CHI3L1: variants seen among roughly 807,000 people sequenced by gnomAD.
CHI3L1 encodes chitinase-3-like protein 1.
In CHI3L1, 30 loss-of-function variants were observed where a neutral mutation model predicts 40.7. The observed-to-expected ratio is 0.74, with a 90% CI of 0.55 to 1.00. The LOEUF (loss-of-function observed/expected upper bound fraction) is 1.00. CHI3L1 is among the 50% of genes least tolerant of loss of function. CHI3L1 has a pLI of 0.00. For missense variants in CHI3L1, 493 were observed against 492.2 expected (o/e 1.00, Z -0.01); for synonymous variants, 210 against 192.1 (o/e 1.09, Z -0.77).
At chr1:203,186,374 G>C in intron 1 of CHI3L1, 29 bp from the exon 2 acceptor site, 1 of 1,582,410 alleles carries the variant, frequency 6.3e-7, no homozygotes, top group Non-Finnish European at 8.6e-7. Flanking sequence ...TGAGACCCCT[G>C]CAAGTGCATC....
chr1:203,183,826 A>C lies in CHI3L1; in HGVS notation c.315-35T>G, dbSNP rs1001444842. 7 of 1,612,796 alleles carry C rather than the reference A, an allele frequency of 4.3e-6. No homozygotes were observed. In the African/African-American group the frequency reaches 8.0e-5, roughly 18 times the overall value. ...AAATCAGCCCTGTAGCATGCTCAGC[A>C]CTGATATGCTAGGTGCCTTGGGCCT... is the stretch of plus-strand genomic sequence containing the variant. On this transcript the variant is annotated intron_variant, in intron 4 of 9. Coordinates refer to ENST00000255409, the MANE Select transcript of CHI3L1 (RefSeq NM_001276.4).
At chr1:203,179,993 T>C (rs1655900446) in intron 8 of CHI3L1, 116 bp from the exon 9 acceptor site, 1 of 924,504 alleles carries the variant, frequency 1.1e-6, no homozygotes, top group South Asian at 1.6e-5. Context: ...GCAGCCTCAC[T>C]CTCTGCAGGG....
In CHI3L1 at chr1:203,186,599, C is replaced by T. The variant is rs774465670; in HGVS notation, c.25G>A (p.Gly9Ser). 4.3e-6 allele frequency: 7 copies of T among 1,614,050 alleles called. No individual in the cohort carries two copies. The highest frequency in any genetic ancestry group is 5.9e-6 in the Non-Finnish European group (7 of 1,180,044). Residue 9 changes from glycine to serine, a missense_variant and splice_region_variant, in exon 1 of 10, where the codon GGC becomes AGC. Gly to Ser is a moderately conservative substitution (Grantham distance 56). Coordinates refer to ENST00000255409, the MANE Select transcript of CHI3L1 (RefSeq NM_001276.4). Reference protein sequence around the residue: MGVKASQTGFVVLVLLQCC... With the variant: MGVKASQTSFVVLVLLQCC... The stretch of plus-strand genomic sequence containing the variant: ...GATTAACCTTGGCTAGCCCAGATAC[C>T]TGTTTGAGACGCCTTCACACCCATT...
intron 6 of CHI3L1, chr1:203,181,631 TG>T: frequency 5.2e-6 from 1 of 191,068 alleles, no homozygotes; most frequent in South Asian, 8.7e-5. Flanking sequence ...GAAAAGCTTT[TG>T]GGCTCCTATT....
chr1:203,186,413 A>G (rs547239773), intron 1 of CHI3L1, 68 bp from the exon 2 acceptor site: 6 of 1,558,124 alleles, frequency 3.9e-6, no homozygotes, highest in Non-Finnish European at 4.4e-6. Flanking sequence ...CCCTCCCCCA[A>G]GCAACTGAGA....
chr1:203,184,486 G>A (rs1174166538), intron 4 of CHI3L1, 90 bp downstream of exon 4: 3 of 1,049,664 alleles, frequency 2.9e-6, no homozygotes, highest in East Asian at 2.4e-5. Context: ...GGAGCCCCTG[G>A]AACATCCATA....
chr1:203,184,648 A>G lies in CHI3L1; in HGVS notation c.258-16T>C, dbSNP rs749462133. On this transcript the variant is annotated splice_polypyrimidine_tract_variant and intron_variant, in intron 3 of 9. Coordinates refer to ENST00000255409, the MANE Select transcript of CHI3L1 (RefSeq NM_001276.4). ...GTTGGGGTTCCTGTGGAGCACAGGG[A>G]GGTGGGGAGGGCAGGAGTGGAATGA... The G allele has an allele frequency of 4.3e-6, 7 of 1,611,362 alleles. No individual in the cohort carries two copies. In the Admixed American group the frequency reaches 1.2e-4, roughly 27 times the overall value.
intron 4 of CHI3L1, 26 bp from the exon 5 acceptor site, chr1:203,183,817 A>G (rs372279415): frequency 1.9e-6 from 3 of 1,614,006 alleles, no homozygotes; most frequent in Non-Finnish European, 2.5e-6. Context: ...GCCCTGTAGC[A>G]TGCTCAGCAC....
rs1267430372 is a variant in CHI3L1 at position 203,182,824 on chromosome 1, G to A, written c.494C>T (p.Ala165Val). The A allele has an allele frequency of 1.2e-6, 2 of 1,614,152 alleles. No individual in the cohort carries two copies. Among genetic ancestry groups the A allele is most frequent in the South Asian group, 1.1e-5 (1 of 91,082 alleles). ...CAGGAGCTGCTTTTTCCCTGGCTGG[G>A]CTTCCTTTATAAATTCGGCCTTCAT... ...KEMKAEFIKE[A>V]QPGKKQLLLS... is the part of the protein sequence containing the mutation. Residue 165 changes from alanine (A) to valine (V), a missense_variant, in exon 6 of 10, where the codon GCC (alanine) becomes GTC (valine). Transcript: ENST00000255409.
chr1:203,179,808 C>T lies in CHI3L1; in HGVS notation c.964G>A (p.Gly322Ser). Reference protein sequence around the residue: ...LGQQVPYATKGNQWVGYDDQE... With the variant: ...LGQQVPYATKSNQWVGYDDQE... ...TCGTCGTATCCTACCCACTGGTTGC[C>T]CTTGGTGGCATAGGGGACCTGCTGG... The change falls in exon 9 of 10, where the codon GGC becomes AGC. Residue 322 changes from glycine (G) to serine (S), a missense_variant. Transcript: ENST00000255409. 1.2e-6 allele frequency: 2 copies of T among 1,614,192 alleles called. No homozygotes were observed. Among genetic ancestry groups the T allele is most frequent in the Middle Eastern group, 1.6e-4 (1 of 6,062 alleles).
At chr1:203,182,897 T>G in intron 5 of CHI3L1, 45 bp from the exon 6 acceptor site, 1 of 1,609,024 alleles carries the variant, frequency 6.2e-7, no homozygotes, top group Non-Finnish European at 8.5e-7. Flanking sequence ...CCAAGTGGCA[T>G]GAGAGGTAGA....
At chr1:203,186,419 T>A in intron 1 of CHI3L1, 74 bp from the exon 2 acceptor site, 5 of 1,530,820 alleles carry the variant, frequency 3.3e-6, no homozygotes, top group Non-Finnish European at 4.4e-6. Flanking sequence ...CCCAAGCAAC[T>A]GAGACCCACC....
rs760777926 is a variant in CHI3L1, at chr1:203,183,704, C to A, written c.402G>T (p.Gly134=). 3.1e-6 allele frequency: 5 copies of A among 1,614,178 alleles called. No individual in the cohort carries two copies. In the Admixed American group the frequency reaches 8.3e-5, roughly 27 times the overall value. The part of the protein sequence containing the change: ...PPFLRTHGFD[G]LDLAWLYPGR... The stretch of plus-strand genomic sequence containing the variant: ...CAGGGTAGAGCCAGGCAAGGTCCAG[C>A]CCATCAAAGCCATGGGTGCGCAGAA... The change falls in exon 5 of 10, where the codon GGG becomes GGT. Residue 134 remains glycine, a synonymous_variant. Coordinates refer to ENST00000255409, the MANE Select transcript of CHI3L1 (RefSeq NM_001276.4).
rs1330549380 is a variant in CHI3L1, at chr1:203,179,520, G to A, written c.1077C>T (p.Phe359=). 6 of 1,593,664 alleles carry A rather than the reference G, an allele frequency of 3.8e-6. No homozygotes were observed. The Admixed American group carries it at 1.0e-4, about 28-fold the overall frequency. The change falls in exon 10 of 10, where the codon TTC becomes TTT. Residue 359 remains phenylalanine, a synonymous_variant. Coordinates refer to ENST00000255409, the MANE Select transcript of CHI3L1 (RefSeq NM_001276.4). The part of the protein sequence containing the change: ...AMVWALDLDD[F]QGSFCGQDLR... ...GATCCTGGCCACAGAAGGAGCCCTG[G>A]AAGTCATCCAGGTCCAGGGCCCATA...
At chr1:203,179,914 C>A (rs150570065) in intron 8 of CHI3L1, 37 bp from the exon 9 acceptor site, 1 of 1,599,998 alleles carries the variant, frequency 6.3e-7, no homozygotes, top group Admixed American at 1.7e-5. Flanking sequence ...TGTGGGGAGT[C>A]GTGCCGAGAC....
At chr1:203,182,666 G>C (rs12409713) in intron 6 of CHI3L1, 65 bp downstream of exon 6, 46,742 of 1,594,728 alleles carry the variant, frequency 0.029, 1,451 homozygotes, top group East Asian at 0.14. Context: ...CTAGGGCTGG[G>C]GGTGGCGGGG....
chr1:203,181,269 T>C lies in CHI3L1; in HGVS notation c.604A>G (p.Ser202Gly), dbSNP rs1655931627. ...AKISQHLDFI[S>G]IMTYDFHGAW... ...CCATGAAAATCGTAGGTCATGATGC[T>C]AATGAAATCCAGGTGTCTGAGGAGG... is the stretch of plus-strand genomic sequence containing the variant. The change falls in exon 7 of 10, where the codon AGC becomes GGC. Residue 202 changes from serine (S) to glycine (G), a missense_variant. By Grantham distance (56) the Ser-to-Gly change is moderately conservative (BLOSUM62 0). Transcript: ENST00000255409. The C allele has an allele frequency of 6.2e-7, 1 of 1,613,942 alleles. No homozygotes were observed. The highest frequency in any genetic ancestry group is 1.1e-5 in the South Asian group (1 of 91,048).
At position 203,181,193 on chromosome 1, in the gene CHI3L1, T is replaced by TCCTGA; in HGVS notation, c.675_679dup (p.Glu227ValfsTer21). On this transcript the variant is annotated frameshift_variant, in exon 7 of 10. Coordinates refer to ENST00000255409, the MANE Select transcript of CHI3L1 (RefSeq NM_001276.4). LOFTEE classifies it high-confidence loss of function. ...GCTGAATCTGTCAGGACTTGCATCC[T>TCCTGA]CCTGACCTCGGAACAGGGGACTGTG... 6.2e-7 allele frequency: 1 copy of TCCTGA among 1,614,158 alleles called. No individual in the cohort carries two copies.
intron 4 of CHI3L1, 115 bp from the exon 5 acceptor site, chr1:203,183,906 G>A: frequency 8.3e-7 from 1 of 1,198,110 alleles, no homozygotes. Flanking sequence ...CACAGCTCTG[G>A]GAGGGCATGA....
Sources: gnomAD v4.1 joint callset for allele counts on GRCh38, gnomAD v4.1.1 for gene constraint, MANE v1.5 for transcripts, NCBI Gene and HGNC (gene_info 2026-07-23, HGNC 2026-07-21) for gene names.